MGAT4C: variants seen among roughly 807,000 people sequenced by gnomAD.
The protein encoded by MGAT4C is alpha-1,3-mannosyl-glycoprotein 4-beta-N-acetylglucosaminyltransferase C.
In MGAT4C, 19 loss-of-function variants were observed where a neutral mutation model predicts 40.1. That is an observed-to-expected ratio of 0.47 (90% CI 0.33 to 0.70). The LOEUF (loss-of-function observed/expected upper bound fraction) is 0.70. MGAT4C is among the 30% of genes least tolerant of loss of function. The probability of loss-of-function intolerance (pLI) is 0.02; values close to 1 mark genes in which losing one functional copy is unlikely to be tolerated. For missense variants in MGAT4C, 491 were observed against 563.2 expected, an observed-to-expected ratio of 0.87 and a Z score of 1.30; for synonymous variants, 181 against 187.1, an observed-to-expected ratio of 0.97 and a Z score of 0.27.
intron 3 of MGAT4C, among the ~76,000 whole-genome samples, chr12:86,351,969 TTCC>T (rs1955171697): frequency 6.6e-6 from 1 of 152,034 alleles, no homozygotes; most frequent in Non-Finnish European, 1.5e-5. Flanking sequence ...TGATTTTGTC[TTCC>T]TCTTCTTATA....
intron 2 of MGAT4C, among the ~76,000 whole-genome samples, chr12:86,686,353 G>A (rs1032574256): frequency 6.6e-6 from 1 of 152,020 alleles, no homozygotes; most frequent in African/African-American, 2.4e-5. Flanking sequence ...TGATTGCCTG[G>A]GAAGAACTTC....
chr12:86,295,885 A>G (rs2136133679), intron 4 of MGAT4C, among the ~76,000 whole-genome samples: 1 of 151,008 alleles, frequency 6.6e-6, no homozygotes, highest in Admixed American at 6.6e-5. Flanking sequence ...ACAAACCTTG[A>G]GCTAAACACA....
At chr12:86,636,628 G>A (rs1963226635) in intron 2 of MGAT4C, among the ~76,000 whole-genome samples, 1 of 151,932 alleles carries the variant, frequency 6.6e-6, no homozygotes, top group Admixed American at 6.6e-5. Flanking sequence ...ACTGGATTGG[G>A]AAAGATATTT....
intron 2 of MGAT4C, among the ~76,000 whole-genome samples, chr12:86,714,458 C>G (rs750508128): frequency 1.3e-5 from 2 of 152,004 alleles, no homozygotes; most frequent in Admixed American, 6.6e-5. Context: ...GTGGGAGGGA[C>G]CCGGTGGGAG....
intron 3 of MGAT4C, among the ~76,000 whole-genome samples, chr12:86,402,438 A>G (rs1450926978): frequency 1.3e-5 from 2 of 152,146 alleles, no homozygotes; most frequent in Non-Finnish European, 2.9e-5. Flanking sequence ...CAAAAAAAAT[A>G]ATAATAATAA....
intron 4 of MGAT4C, among the ~76,000 whole-genome samples, chr12:86,285,411 T>C (rs1347884830): frequency 6.6e-6 from 1 of 152,026 alleles, no homozygotes; most frequent in Non-Finnish European, 1.5e-5. Flanking sequence ...AAAATCAATA[T>C]ATATTTAATA....
At chr12:86,146,326 G>T (rs181398112) in intron 1 of MGAT4C, among the ~76,000 whole-genome samples, 1 of 152,062 alleles carries the variant, frequency 6.6e-6, no homozygotes, top group Non-Finnish European at 1.5e-5. Context: ...ATGTCCCATC[G>T]TGTTTTCACT....
At chr12:86,466,376 T>C (rs1242147724) in intron 2 of MGAT4C, among the ~76,000 whole-genome samples, 1 of 152,184 alleles carries the variant, frequency 6.6e-6, no homozygotes, top group Non-Finnish European at 1.5e-5. Flanking sequence ...AAATGAGCTA[T>C]CAAGTTATGA....
At chr12:86,715,255 T>G (rs181905784) in intron 2 of MGAT4C, among the ~76,000 whole-genome samples, 1 of 152,240 alleles carries the variant, frequency 6.6e-6, no homozygotes, top group Admixed American at 6.5e-5. Context: ...TGTAATTTTT[T>G]TCTTAAAGTA....
intron 1 of MGAT4C, among the ~76,000 whole-genome samples, chr12:86,199,693 T>C (rs1391969782): frequency 6.6e-6 from 1 of 152,258 alleles, no homozygotes; most frequent in Non-Finnish European, 1.5e-5. Flanking sequence ...TAATTATTAA[T>C]ACAATGAATG....
At chr12:86,259,217 G>A (rs542875795), upstream of MGAT4C, among the ~76,000 whole-genome samples, 3 of 151,964 alleles carry the variant, frequency 2.0e-5, no homozygotes, top group Admixed American at 6.5e-5. Flanking sequence ...TTTTGGAAAA[G>A]TAGAGATACT....
At chr12:86,750,327 C>T (rs1473647568) in intron 1 of MGAT4C, among the ~76,000 whole-genome samples, 2 of 151,858 alleles carry the variant, frequency 1.3e-5, no homozygotes. Context: ...AAGACATGTT[C>T]TTGTTTGTAC....
At chr12:86,138,687 T>TATATATA in intron 1 of MGAT4C, among the ~76,000 whole-genome samples, 1 of 146,716 alleles carries the variant, frequency 6.8e-6, no homozygotes, top group South Asian at 2.1e-4. Context: ...CATATATATA[T>TATATATA]TTCCATATAT....
chr12:86,617,943 GAACT>G (rs1218076584), intron 2 of MGAT4C, among the ~76,000 whole-genome samples: 7 of 152,016 alleles, frequency 4.6e-5, no homozygotes, highest in Non-Finnish European at 1.0e-4. Flanking sequence ...ATTTGGCAAA[GAACT>G]AATACCCAGA....
intron 2 of MGAT4C, among the ~76,000 whole-genome samples, chr12:86,046,655 A>G (rs1022439341): frequency 1.3e-5 from 2 of 152,180 alleles, no homozygotes; most frequent in Admixed American, 6.5e-5. Flanking sequence ...CAAAGTGTGA[A>G]TTGGGGTCTC....
chr12:86,240,341 T>C (rs1389443017), intron 1 of MGAT4C, among the ~76,000 whole-genome samples: 1 of 152,040 alleles, frequency 6.6e-6, no homozygotes, highest in African/African-American at 2.4e-5. Context: ...ATCCAATCTA[T>C]CTTTCTATAT....
intron 4 of MGAT4C, among the ~76,000 whole-genome samples, chr12:86,296,438 C>T (rs777790610): frequency 2.3e-4 from 35 of 149,790 alleles, no homozygotes; most frequent in Non-Finnish European, 3.9e-4. Flanking sequence ...TGGGACTGGG[C>T]GCCGTGGAGC....
intron 2 of MGAT4C, among the ~76,000 whole-genome samples, chr12:86,439,652 G>A (rs1957194453): frequency 1.3e-5 from 2 of 151,886 alleles, no homozygotes; most frequent in Admixed American, 6.6e-5. Flanking sequence ...AAGTGAATTT[G>A]AAATCAAAAA....
chr12:86,190,564 A>G (rs1370395227), intron 1 of MGAT4C, among the ~76,000 whole-genome samples: 1 of 152,102 alleles, frequency 6.6e-6, no homozygotes, highest in Non-Finnish European at 1.5e-5. Flanking sequence ...CCTCATGGCA[A>G]ATATAGTGTT....
Sources: allele counts gnomAD v4.1 joint callset (sites outside exome capture counted in the v4.1 genomes callset), GRCh38; gene constraint gnomAD v4.1.1; transcripts MANE v1.5; gene names NCBI Gene and HGNC (gene_info 2026-07-23, HGNC 2026-07-21).